Variants in CARMIL1 observed in about 807,000 individuals in gnomAD.
CARMIL1 encodes the protein capping protein regulator and myosin 1 linker 1, also known as F-actin-uncapping protein LRRC16A.
A neutral mutation model predicts 177.1 loss-of-function variants in CARMIL1; 90 were observed. The observed-to-expected ratio is 0.51, with a 90% CI of 0.43 to 0.61. CARMIL1 has a LOEUF of 0.61. Ranked by LOEUF, CARMIL1 falls within the 20% of genes least tolerant of loss-of-function variation. The probability of loss-of-function intolerance (pLI) is 0.00; values close to 1 mark genes in which losing one functional copy is unlikely to be tolerated. For synonymous variants in CARMIL1, 577 were observed against 606.2 expected (o/e 0.95, Z 0.71); for missense variants, 1,380 against 1,667.0 (o/e 0.83, Z 3.00).
chr6:25,384,003 G>A (rs114622824), intron 2 of CARMIL1, among the ~76,000 whole-genome samples: 1 of 152,070 alleles, frequency 6.6e-6, no homozygotes, highest in East Asian at 1.9e-4. Context: ...CCATCCCCGG[G>A]TAATTTTTGT....
chr6:25,386,546 TG>T (rs754418971), intron 2 of CARMIL1, among the ~76,000 whole-genome samples: 78 of 152,114 alleles, frequency 5.1e-4, no homozygotes, highest in Admixed American at 1.8e-3. Flanking sequence ...CCTGGCTTGT[TG>T]TTTGTAATCT....
chr6:25,455,090 A>G (rs554050812), intron 8 of CARMIL1, among the ~76,000 whole-genome samples: 165 of 152,276 alleles, frequency 1.1e-3, no homozygotes, highest in African/African-American at 3.8e-3. Context: ...TATGTTCCCT[A>G]TTTGAACATA....
At chr6:25,474,959 C>G (rs937212137) in intron 11 of CARMIL1, among the ~76,000 whole-genome samples, 8 of 152,170 alleles carry the variant, frequency 5.3e-5, no homozygotes, top group African/African-American at 2.4e-5. Context: ...AAATGCAAAT[C>G]AAAGCCACAG....
chr6:25,390,000 CAG>C (rs1792589621), intron 2 of CARMIL1, among the ~76,000 whole-genome samples: 1 of 151,858 alleles, frequency 6.6e-6, no homozygotes, highest in Admixed American at 6.6e-5. Context: ...AAAAAACAAA[CAG>C]ATTTTAAAAC....
chr6:25,555,890 CAG>C (rs767128725), intron 28 of CARMIL1, among the ~76,000 whole-genome samples: 88 of 152,218 alleles, frequency 5.8e-4, no homozygotes, highest in Middle Eastern at 6.8e-3. Context: ...AGAATTTACT[CAG>C]AAAGTATTGA....
At chr6:25,386,164 A>G (rs533286312) in intron 2 of CARMIL1, among the ~76,000 whole-genome samples, 1 of 152,352 alleles carries the variant, frequency 6.6e-6, no homozygotes, top group African/African-American at 2.4e-5. Flanking sequence ...TATTTTACCA[A>G]TCACACTGGT....
At chr6:25,463,454 T>C (rs1234474388) in intron 8 of CARMIL1, among the ~76,000 whole-genome samples, 1 of 152,256 alleles carries the variant, frequency 6.6e-6, no homozygotes, top group Non-Finnish European at 1.5e-5. Context: ...CGTAGAGTGA[T>C]GTGCCTTCAG....
intron 24 of CARMIL1, among the ~76,000 whole-genome samples, chr6:25,534,959 G>A (rs113666426): frequency 0.013 from 1,981 of 152,278 alleles, 28 homozygotes; most frequent in Middle Eastern, 0.037. Flanking sequence ...ACCACAGATG[G>A]CATTTATTGC....
Position 25,558,237 on chromosome 6 carries a change from A to G in CARMIL1, c.2742+1387A>G, listed in dbSNP as rs1473482010. Reference sequence around the variant, plus strand: ...ATTAAAAATTTGAAATCAACTCCACATACCACGTTTCCTACCAGATTTATT... The same window carrying G: ...ATTAAAAATTTGAAATCAACTCCACGTACCACGTTTCCTACCAGATTTATT... On this transcript the variant is annotated intron_variant, in intron 29 of 36. Coordinates refer to ENST00000329474, the MANE Select transcript of CARMIL1 (RefSeq NM_017640.6). The surrounding 1 kb of genome is among the most constrained non-coding windows in gnomAD (Gnocchi z 4.1). 6.6e-6 allele frequency among the ~76,000 whole-genome samples: 1 copy of G among 152,240 alleles called. No homozygotes were observed. Among genetic ancestry groups the G allele is most frequent in the Non-Finnish European group, 1.5e-5 (1 of 68,052 alleles).
chr6:25,323,323 C>T (rs1243560134), intron 2 of CARMIL1, among the ~76,000 whole-genome samples: 1 of 151,236 alleles, frequency 6.6e-6, no homozygotes, highest in African/African-American at 2.4e-5. Context: ...GTGGCTCACG[C>T]CTGTAATCCC....
Position 25,489,114 on chromosome 6 carries a change from G to A in CARMIL1, c.1065+529G>A, listed in dbSNP as rs537081659. 5.3e-5 allele frequency among the ~76,000 whole-genome samples: 8 copies of A among 152,158 alleles called. 1 individual carries two copies. In the South Asian group the frequency reaches 1.0e-3, roughly 20 times the overall value. On this transcript the variant is annotated intron_variant, in intron 13 of 36. Transcript: ENST00000329474. Reference sequence around the variant, plus strand: ...CTGGAGGCGGAGGTTGTGGTGAGCCGAGATTACACCACTGCACTCCAGCCT... The same window carrying A: ...CTGGAGGCGGAGGTTGTGGTGAGCCAAGATTACACCACTGCACTCCAGCCT...
chr6:25,538,859 G>A (rs949193832), intron 25 of CARMIL1, among the ~76,000 whole-genome samples: 19 of 152,072 alleles, frequency 1.2e-4, no homozygotes, highest in Admixed American at 2.6e-4. Flanking sequence ...AAATGGAGAG[G>A]GGCTGGAGAT....
chr6:25,567,033 T>C (rs994615235), intron 29 of CARMIL1, among the ~76,000 whole-genome samples: 1 of 152,164 alleles, frequency 6.6e-6, no homozygotes, highest in Non-Finnish European at 1.5e-5. Context: ...TGGTAGCTAT[T>C]TTAACCCATT....
intron 29 of CARMIL1, chr6:25,576,946 AT>A (rs1450605884): frequency 3.7e-5 from 36 of 974,930 alleles, no homozygotes; most frequent in South Asian, 1.9e-4. Flanking sequence ...TTCCATTCAT[AT>A]TTTTTTTCTT....
chr6:25,533,638 C>G (rs1210278460), intron 24 of CARMIL1, among the ~76,000 whole-genome samples: 4 of 152,082 alleles, frequency 2.6e-5, no homozygotes, highest in African/African-American at 9.7e-5. Context: ...TTCTGAATGT[C>G]CTTCTGCCAC....
chr6:25,602,954 T>C (rs1011879279), intron 33 of CARMIL1, among the ~76,000 whole-genome samples: 1 of 152,230 alleles, frequency 6.6e-6, no homozygotes, highest in Non-Finnish European at 1.5e-5. Context: ...TATTTTCCTC[T>C]GGGGCCTCCA....
intron 5 of CARMIL1, among the ~76,000 whole-genome samples, chr6:25,442,455 A>AGTGTGTGTGTGTATGTGT (rs1213778689): frequency 4.2e-5 from 6 of 143,826 alleles, no homozygotes; most frequent in African/African-American, 1.6e-4. Flanking sequence ...TCTATTTAAC[A>AGTGTGTGTGTGTATGTGT]GTGTGTGTGT....
chr6:25,556,079 G>A (rs1810585020), intron 28 of CARMIL1, among the ~76,000 whole-genome samples: 1 of 152,156 alleles, frequency 6.6e-6, no homozygotes, highest in African/African-American at 2.4e-5. Context: ...ACCAACTTAA[G>A]TTTGTAAACG....
At chr6:25,353,774 A>G (rs897465094) in intron 2 of CARMIL1, among the ~76,000 whole-genome samples, 5 of 152,246 alleles carry the variant, frequency 3.3e-5, no homozygotes, top group Non-Finnish European at 7.3e-5. Context: ...TTTATGAACT[A>G]GACATTTAAG....
Sources: gnomAD v4.1 joint callset for allele counts (sites outside exome capture counted in the v4.1 genomes callset) on GRCh38, gnomAD v4.1.1 for gene constraint, Gnocchi (gnomAD v3.1) non-coding constraint, MANE v1.5 for transcripts, NCBI Gene and HGNC (gene_info 2026-07-23, HGNC 2026-07-21) for gene names.